Variants in C8orf34 observed in about 807,000 individuals in gnomAD.
The protein encoded by C8orf34 is uncharacterized protein C8orf34.
In C8orf34, 65 loss-of-function variants were observed where a neutral mutation model predicts 68.3. The observed-to-expected ratio is 0.95, with a 90% confidence interval of 0.78 to 1.17. C8orf34 has a LOEUF of 1.17. Among genes scored for constraint, C8orf34 ranks in the 50% most tolerant of loss-of-function variants. C8orf34 has a pLI of 0.00. For missense variants in C8orf34, 664 were observed against 655.4 expected (o/e 1.01, Z -0.14); for synonymous variants, 244 against 241.2 (o/e 1.01, Z -0.11).
intron 1 of C8orf34, among the ~76,000 whole-genome samples, chr8:68,389,962 T>C (rs1320498629): frequency 6.6e-6 from 1 of 152,156 alleles, no homozygotes; most frequent in Non-Finnish European, 1.5e-5. Flanking sequence ...GTATTAAGCA[T>C]GTGAGTAAGC....
intron 4 of C8orf34, among the ~76,000 whole-genome samples, chr8:68,476,509 T>A (rs1563471606): frequency 6.6e-6 from 1 of 152,088 alleles, no homozygotes; most frequent in African/African-American, 2.4e-5. Context: ...GATGACTAAA[T>A]AGTAAAAAGG....
In C8orf34 at chr8:68,368,392, C is replaced by T. The variant is rs143707246; in HGVS notation, c.327+37053C>T. ...TTTCCTCTTTGGCTCTGTATTATGG[C>T]TCTGTATTATGGCTATTATTCATGA... On this transcript the variant is annotated intron_variant, in intron 1 of 13. Transcript: ENST00000518698. 2.4e-3 allele frequency among the ~76,000 whole-genome samples: 368 copies of T among 152,102 alleles called. 1 individual carries two copies. The highest frequency in any genetic ancestry group is 8.6e-3 in the African/African-American group (356 of 41,474).
chr8:68,779,579 G>A lies in C8orf34; in HGVS notation c.1455+3130G>A, dbSNP rs576728947. On this transcript the variant is annotated intron_variant, in intron 11 of 13. Coordinates refer to ENST00000518698, the MANE Select transcript of C8orf34 (RefSeq NM_052958.4). ...CCAGATGTGCCATCTGAACCAGAAAGGGGATCAATTCTATGCAACACAATA... is the reference window on the plus strand; with the variant it reads ...CCAGATGTGCCATCTGAACCAGAAAAGGGATCAATTCTATGCAACACAATA... Among the ~76,000 whole-genome samples the A allele has an allele frequency of 2.0e-5, 3 of 152,208 alleles. No homozygotes were observed. In the South Asian group the frequency reaches 6.2e-4, roughly 32 times the overall value.
At chr8:68,594,964 C>G (rs1817501181) in intron 7 of C8orf34, among the ~76,000 whole-genome samples, 1 of 151,722 alleles carries the variant, frequency 6.6e-6, no homozygotes, top group African/African-American at 2.4e-5. Context: ...TTTTCTCCTA[C>G]TTTTTTAAGA....
intron 5 of C8orf34, among the ~76,000 whole-genome samples, chr8:68,497,116 G>T (rs10100810): frequency 0.39 from 58,525 of 151,936 alleles, 11,571 homozygotes; most frequent in African/African-American, 0.44. Context: ...AAAAATATTT[G>T]CAGTTTATAT....
chr8:68,655,900 C>A (rs1460850936), intron 8 of C8orf34, among the ~76,000 whole-genome samples: 1 of 152,158 alleles, frequency 6.6e-6, no homozygotes, highest in Non-Finnish European at 1.5e-5. Flanking sequence ...GAATATCTAG[C>A]CTTAGGCCCC....
chr8:68,699,957 T>C (rs186751969), intron 8 of C8orf34, among the ~76,000 whole-genome samples: 102 of 152,222 alleles, frequency 6.7e-4, no homozygotes, highest in Non-Finnish European at 8.2e-4. Flanking sequence ...TCACCATTAA[T>C]CATTATACTT....
chr8:68,735,642 A>G (rs956333758), intron 10 of C8orf34, among the ~76,000 whole-genome samples: 1 of 152,154 alleles, frequency 6.6e-6, no homozygotes, highest in African/African-American at 2.4e-5. Flanking sequence ...ATAACTTTTT[A>G]TACTTTAAAT....
upstream of C8orf34, chr8:68,330,669 A>G (rs1004181229): frequency 4.1e-6 from 1 of 243,826 alleles, no homozygotes; most frequent in African/African-American, 2.3e-5. Flanking sequence ...AAGCACCTTC[A>G]CCATTGGCTT....
At chr8:68,535,083 G>A (rs984838213) in intron 7 of C8orf34, 6 of 985,206 alleles carry the variant, frequency 6.1e-6, no homozygotes, top group East Asian at 1.1e-4. Context: ...AGCTTGGAAT[G>A]TTACAAGTCC....
At chr8:68,583,952 T>A (rs1817136000) in intron 7 of C8orf34, among the ~76,000 whole-genome samples, 1 of 152,102 alleles carries the variant, frequency 6.6e-6, no homozygotes, top group Non-Finnish European at 1.5e-5. Flanking sequence ...TGTTATGCAA[T>A]CACAAAAATT....
At chr8:68,726,593 T>G (rs559306462) in intron 10 of C8orf34, among the ~76,000 whole-genome samples, 17 of 152,268 alleles carry the variant, frequency 1.1e-4, no homozygotes, top group African/African-American at 4.1e-4. Context: ...GTTGTGTGTA[T>G]TAGTTCATTT....
chr8:68,663,380 A>G (rs1487127104), intron 8 of C8orf34, among the ~76,000 whole-genome samples: 1 of 152,210 alleles, frequency 6.6e-6, no homozygotes, highest in Non-Finnish European at 1.5e-5. Flanking sequence ...TTGTTTTCTT[A>G]CAAATTAGCA....
intron 4 of C8orf34, among the ~76,000 whole-genome samples, chr8:68,487,217 G>C (rs1004847062): frequency 6.6e-6 from 1 of 152,120 alleles, no homozygotes; most frequent in Non-Finnish European, 1.5e-5. Flanking sequence ...GAGAAGAAAA[G>C]ACAGCTCAAC....
At chr8:68,656,413 TTAAA>T (rs1819512847) in intron 8 of C8orf34, among the ~76,000 whole-genome samples, 1 of 152,174 alleles carries the variant, frequency 6.6e-6, no homozygotes, top group Admixed American at 6.5e-5. Flanking sequence ...TATGATCCAA[TTAAA>T]TAATGTCTAC....
At chr8:68,384,159 CTA>C (rs1218005037) in intron 1 of C8orf34, among the ~76,000 whole-genome samples, 1 of 152,112 alleles carries the variant, frequency 6.6e-6, no homozygotes, top group African/African-American at 2.4e-5. Context: ...TTTTCTAAGA[CTA>C]TTATTTTTAA....
At chr8:68,574,835 A>G (rs1313731248) in intron 7 of C8orf34, among the ~76,000 whole-genome samples, 1 of 151,976 alleles carries the variant, frequency 6.6e-6, no homozygotes, top group African/African-American at 2.4e-5. Flanking sequence ...ATTAGTCCAC[A>G]TTGGAAGATT....
At chr8:68,650,519 G>A (rs963907835) in intron 8 of C8orf34, among the ~76,000 whole-genome samples, 6 of 131,822 alleles carry the variant, frequency 4.6e-5, no homozygotes, top group East Asian at 4.3e-4. Flanking sequence ...TCGCTCTGTC[G>A]CCCAGGCTGG....
At chr8:68,428,733 A>G (rs990897115) in intron 1 of C8orf34, among the ~76,000 whole-genome samples, 2 of 152,134 alleles carry the variant, frequency 1.3e-5, no homozygotes, top group Admixed American at 6.5e-5. Context: ...AGATGTTGTA[A>G]TGATGGCATA....
Sources: allele counts gnomAD v4.1 joint callset (sites outside exome capture counted in the v4.1 genomes callset), GRCh38; gene constraint gnomAD v4.1.1; transcripts MANE v1.5; gene names NCBI Gene and HGNC (gene_info 2026-07-23, HGNC 2026-07-21).